ALPK2: variants seen among roughly 807,000 people sequenced by gnomAD.
ALPK2 encodes the protein alpha kinase 2, also known as alpha-protein kinase 2.
In ALPK2, 127 loss-of-function variants were observed where a neutral mutation model predicts 163.1. The observed-to-expected ratio is 0.78, with a 90% CI of 0.67 to 0.90. The LOEUF is 0.90. Ranked by LOEUF, ALPK2 falls within the 40% of genes least tolerant of loss-of-function variation. The pLI, the probability that ALPK2 is intolerant of heterozygous loss-of-function variation, is 0.00. For synonymous variants in ALPK2, 953 were observed against 959.1 expected, an observed-to-expected ratio of 0.99 and a Z score of 0.12; for missense variants, 2,360 against 2,589.6, an observed-to-expected ratio of 0.91 and a Z score of 1.92.
rs142423025 is a variant in ALPK2, at chr18:58,602,371, T to C, written c.227+4951A>G. 3.3e-5 allele frequency among the ~76,000 whole-genome samples: 5 copies of C among 152,290 alleles called. No individual in the cohort carries two copies. The East Asian group carries it at 9.6e-4, about 29-fold the overall frequency. The stretch of plus-strand genomic sequence containing the variant: ...ACTGGGTGGCAAAAAGCAACAGAAA[T>C]TTATTCTTTCACAGTTCATGTGTCC... On this transcript the variant is annotated intron_variant, in intron 3 of 12. Coordinates refer to ENST00000361673, the MANE Select transcript of ALPK2 (RefSeq NM_052947.4).
intron 1 of ALPK2, among the ~76,000 whole-genome samples, chr18:58,617,735 G>A (rs2052177721): frequency 6.6e-6 from 1 of 152,088 alleles, no homozygotes; most frequent in Non-Finnish European, 1.5e-5. Flanking sequence ...ATGTATGTTG[G>A]TATGTATGGT....
At chr18:58,543,906 C>T (rs943477105) in intron 4 of ALPK2, among the ~76,000 whole-genome samples, 1 of 152,176 alleles carries the variant, frequency 6.6e-6, no homozygotes, top group African/African-American at 2.4e-5. Flanking sequence ...ATAAACCTCA[C>T]CTCACCAAGG....
chr18:58,573,800 G>A (rs907804333), intron 4 of ALPK2, among the ~76,000 whole-genome samples: 31 of 151,890 alleles, frequency 2.0e-4, no homozygotes, highest in Admixed American at 1.8e-3. Flanking sequence ...AATGTCATGC[G>A]TTGCTCTGAA....
intron 4 of ALPK2, 167 bp downstream of exon 4, chr18:58,578,647 T>C (rs1302076262): frequency 9.3e-6 from 6 of 643,476 alleles, no homozygotes; most frequent in Non-Finnish European, 1.3e-5. Flanking sequence ...GCAGCAGCTG[T>C]CATGCACAAG....
intron 4 of ALPK2, among the ~76,000 whole-genome samples, chr18:58,558,346 T>C (rs1364830979): frequency 6.6e-6 from 1 of 152,244 alleles, no homozygotes; most frequent in Non-Finnish European, 1.5e-5. Flanking sequence ...TATTTACATA[T>C]TGAAATATTT....
intron 5 of ALPK2, among the ~76,000 whole-genome samples, chr18:58,530,491 C>A (rs1225507846): frequency 6.6e-6 from 1 of 152,238 alleles, no homozygotes. Context: ...AGGTCTCGAC[C>A]AAGCCCACCT....
chr18:58,578,771 C>T lies in ALPK2; in HGVS notation c.1962+43G>A, dbSNP rs373175027. 1.3e-5 allele frequency: 20 copies of T among 1,562,132 alleles called. No individual in the cohort carries two copies. Among genetic ancestry groups the T allele is most frequent in the African/African-American group, 1.1e-4 (8 of 73,758 alleles). On this transcript the variant is annotated intron_variant, in intron 4 of 12. Coordinates refer to ENST00000361673, the MANE Select transcript of ALPK2 (RefSeq NM_052947.4). ...ACACACACACACACACACACACACA[C>T]GGTTCTTTTTATCTCGTAATTTCTT...
At chr18:58,596,800 A>C (rs1423144046) in intron 3 of ALPK2, among the ~76,000 whole-genome samples, 1 of 151,140 alleles carries the variant, frequency 6.6e-6, no homozygotes, top group African/African-American at 2.4e-5. Flanking sequence ...GCGTTGTGTT[A>C]ATTCCTCCCA....
chr18:58,511,424 G>C (rs1325402499), intron 10 of ALPK2, among the ~76,000 whole-genome samples: 1 of 152,136 alleles, frequency 6.6e-6, no homozygotes, highest in Non-Finnish European at 1.5e-5. Flanking sequence ...CCCATCCAGC[G>C]GTTACATGCA....
chr18:58,543,584 C>T (rs1033313760), intron 4 of ALPK2, among the ~76,000 whole-genome samples: 2 of 152,218 alleles, frequency 1.3e-5, no homozygotes, highest in African/African-American at 4.8e-5. Context: ...GGCTCTCCAA[C>T]TCCACCAATG....
At chr18:58,483,717 A>AT (rs1411499592) in intron 12 of ALPK2, among the ~76,000 whole-genome samples, 1 of 124,542 alleles carries the variant, frequency 8.0e-6, no homozygotes, top group Non-Finnish European at 1.7e-5. Context: ...CACCCGGCTA[A>AT]TTTTTTGTAT....
At chr18:58,525,879 A>G (rs2051581644) in intron 6 of ALPK2, among the ~76,000 whole-genome samples, 1 of 151,386 alleles carries the variant, frequency 6.6e-6, no homozygotes, top group Non-Finnish European at 1.5e-5. Context: ...CATGATACAA[A>G]ACTACCTCGG....
intron 4 of ALPK2, among the ~76,000 whole-genome samples, chr18:58,568,535 C>T (rs889164628): frequency 6.6e-6 from 1 of 152,128 alleles, no homozygotes; most frequent in Non-Finnish European, 1.5e-5. Context: ...CTGAGCTCTA[C>T]CCTCGATCTA....
At chr18:58,623,292 A>T (rs1466575140) in intron 1 of ALPK2, among the ~76,000 whole-genome samples, 1 of 151,942 alleles carries the variant, frequency 6.6e-6, no homozygotes, top group Non-Finnish European at 1.5e-5. Context: ...GGCTGTTCTC[A>T]TACTCCTGGG....
chr18:58,569,283 C>T (rs778776959), intron 4 of ALPK2, among the ~76,000 whole-genome samples: 13 of 152,180 alleles, frequency 8.5e-5, no homozygotes, highest in Admixed American at 3.9e-4. Context: ...CACCTGGGAG[C>T]TTTTAGAGCT....
chr18:58,492,288 GCA>G (rs367991386), intron 12 of ALPK2, among the ~76,000 whole-genome samples: 6 of 151,386 alleles, frequency 4.0e-5, no homozygotes, highest in African/African-American at 9.7e-5. Flanking sequence ...ATATATACGC[GCA>G]CACACACACG....
intron 3 of ALPK2, among the ~76,000 whole-genome samples, chr18:58,596,293 C>A (rs539766359): frequency 1.1e-4 from 16 of 152,286 alleles, no homozygotes; most frequent in African/African-American, 3.6e-4. Context: ...GTCCTGTGTC[C>A]CTCTCTATCT....
intron 10 of ALPK2, among the ~76,000 whole-genome samples, chr18:58,505,457 A>G (rs1457187608): frequency 6.6e-6 from 1 of 151,974 alleles, no homozygotes; most frequent in Non-Finnish European, 1.5e-5. Flanking sequence ...TCTTCCTACT[A>G]CGATGAGCCA....
chr18:58,519,121 G>A (rs1017310432), intron 8 of ALPK2, among the ~76,000 whole-genome samples: 1 of 152,170 alleles, frequency 6.6e-6, no homozygotes, highest in South Asian at 2.1e-4. Context: ...AGGCAAATGG[G>A]ACATTTTCTC....
Sources: allele counts gnomAD v4.1 joint callset (sites outside exome capture counted in the v4.1 genomes callset), GRCh38; gene constraint gnomAD v4.1.1; transcripts MANE v1.5; gene names NCBI Gene and HGNC (gene_info 2026-07-23, HGNC 2026-07-21).